DECR1: variants seen among roughly 807,000 people sequenced by gnomAD.
DECR1 encodes 2,4-dienoyl-CoA reductase [(3E)-enoyl-CoA-producing], mitochondrial.
Under a neutral mutation model 38.8 loss-of-function variants are expected in DECR1, and 44 were observed. The ratio of observed to expected loss-of-function variants is 1.13; its 90% CI spans 0.89 to 1.46. The LOEUF is 1.46. Among genes scored for constraint, DECR1 ranks in the 40% most tolerant of loss-of-function variants. DECR1 has a pLI of 0.00. For synonymous variants in DECR1, 148 were observed against 135.2 expected (o/e 1.09, Z -0.66); for missense variants, 428 against 405.5 (o/e 1.06, Z -0.48).
intron 7 of DECR1, among the ~76,000 whole-genome samples, chr8:90,044,646 A>G (rs545668816): frequency 6.6e-6 from 1 of 152,270 alleles, no homozygotes; most frequent in Non-Finnish European, 1.5e-5. Context: ...CATTTTACAT[A>G]GAAGAAACTA....
At chr8:90,017,037 C>T in intron 1 of DECR1, 87 bp from the exon 2 acceptor site, 1 of 837,666 alleles carries the variant, frequency 1.2e-6, no homozygotes, top group South Asian at 1.7e-5. Context: ...AATTTGATTA[C>T]TATTAAATTC....
intron 5 of DECR1, among the ~76,000 whole-genome samples, chr8:90,030,688 C>T (rs974575749): frequency 3.3e-5 from 5 of 152,140 alleles, no homozygotes; most frequent in African/African-American, 4.8e-5. Flanking sequence ...TTTCCTTATT[C>T]GTCAGTAGTG....
chr8:90,032,759 G>A (rs1393423274), intron 5 of DECR1, among the ~76,000 whole-genome samples: 4 of 152,060 alleles, frequency 2.6e-5, no homozygotes, highest in East Asian at 1.9e-4. Flanking sequence ...CTGACCTACC[G>A]GCCGTTCAAC....
intron 1 of DECR1, among the ~76,000 whole-genome samples, chr8:90,006,469 G>A (rs1266621696): frequency 3.3e-5 from 5 of 152,234 alleles, no homozygotes; most frequent in Non-Finnish European, 4.4e-5. Flanking sequence ...TTAGTGAGCA[G>A]CCTGTTGGCT....
At chr8:90,026,998 A>G (rs754569825) in intron 5 of DECR1, among the ~76,000 whole-genome samples, 5 of 152,134 alleles carry the variant, frequency 3.3e-5, no homozygotes, top group Non-Finnish European at 5.9e-5. Context: ...TCATTCAGGA[A>G]CAGATTGTTC....
chr8:90,028,700 C>T (rs978751114), intron 5 of DECR1, among the ~76,000 whole-genome samples: 5 of 151,556 alleles, frequency 3.3e-5, no homozygotes, highest in African/African-American at 1.2e-4. Flanking sequence ...TTCCTCCCTC[C>T]TTCCCTTCCT....
At chr8:90,015,697 A>C (rs554820713) in intron 1 of DECR1, 3 of 455,896 alleles carry the variant, frequency 6.6e-6, no homozygotes, top group Non-Finnish European at 1.3e-5. Context: ...TGGAGTGTTA[A>C]TCTTGCCACC....
chr8:90,018,980 CA>C lies in DECR1; in HGVS notation c.330+15del. ...ACTGGAAATAAGGTACATTAAAAAT[CA>C]GTTATTTAATTTAGATTTAGGAATT... On this transcript the variant is annotated intron_variant, in intron 3 of 9. Transcript: ENST00000220764. 2 of 1,586,608 alleles carry C rather than the reference CA, an allele frequency of 1.3e-6. No individual in the cohort carries two copies. The highest frequency in any genetic ancestry group is 1.7e-6 in the Non-Finnish European group (2 of 1,159,836).
intron 5 of DECR1, among the ~76,000 whole-genome samples, chr8:90,025,281 G>T (rs1015326217): frequency 1.2e-4 from 19 of 152,028 alleles, no homozygotes; most frequent in Admixed American, 9.2e-4. Context: ...AGCTTGATGG[G>T]GATGGCATTG....
chr8:90,002,835 A>G (rs1358656526), intron 1 of DECR1, among the ~76,000 whole-genome samples: 1 of 152,030 alleles, frequency 6.6e-6, no homozygotes, highest in East Asian at 1.9e-4. Flanking sequence ...GGAAGCCCAT[A>G]TTTTCTGATA....
At chr8:90,021,932 A>T (rs1489021794) in intron 5 of DECR1, among the ~76,000 whole-genome samples, 1 of 152,206 alleles carries the variant, frequency 6.6e-6, no homozygotes, top group Non-Finnish European at 1.5e-5. Flanking sequence ...AAACATGTCT[A>T]ATGTATATAT....
At chr8:90,036,746 C>A in intron 5 of DECR1, 95 bp from the exon 6 acceptor site, 1 of 786,954 alleles carries the variant, frequency 1.3e-6, no homozygotes, top group Non-Finnish European at 2.0e-6. Flanking sequence ...TTCTTATACC[C>A]TCTTTAATCA....
intron 1 of DECR1, among the ~76,000 whole-genome samples, chr8:90,002,409 C>A (rs1812640033): frequency 1.3e-5 from 2 of 152,292 alleles, no homozygotes; most frequent in Non-Finnish European, 2.9e-5. Flanking sequence ...CTGGCCCACA[C>A]TCCTGTCACC....
At chr8:90,019,738 C>T (rs1415538841) in intron 4 of DECR1, among the ~76,000 whole-genome samples, 1 of 152,174 alleles carries the variant, frequency 6.6e-6, no homozygotes, top group African/African-American at 2.4e-5. Flanking sequence ...CCTCCTACCT[C>T]AATATGAGCA....
In DECR1 at chr8:90,017,269, G is replaced by A; in HGVS notation, c.215G>A (p.Gly72Asp). The A allele has an allele frequency of 6.2e-7, 1 of 1,614,168 alleles. No homozygotes were observed. Among genetic ancestry groups the A allele is most frequent in the Non-Finnish European group, 8.5e-7 (1 of 1,180,034 alleles). ...ATTACTGGGGGAGGTACTGGCCTTG[G>A]TAAAGGAATGACAACTCTTCTGTCC... ...AFITGGGTGL[G>D]KGMTTLLSSL... Residue 72 changes from glycine (G) to aspartate (D), a missense_variant, in exon 2 of 10, where the codon GGT becomes GAT. Gly to Asp is a moderately conservative substitution (Grantham distance 94). Transcript: ENST00000220764.
At chr8:90,044,793 G>A (rs1281460583) in intron 7 of DECR1, 56 bp from the exon 8 acceptor site, 2 of 1,551,736 alleles carry the variant, frequency 1.3e-6, no homozygotes, top group Non-Finnish European at 1.7e-6. Context: ...TTCTTGAGTA[G>A]GAAAGGAATT....
chr8:90,029,629 A>G (rs552631326), intron 5 of DECR1, among the ~76,000 whole-genome samples: 6 of 152,344 alleles, frequency 3.9e-5, no homozygotes, highest in African/African-American at 1.4e-4. Context: ...TACTGTTTTT[A>G]CAGTTTAATT....
In DECR1 at chr8:90,052,038, A is replaced by T; in HGVS notation, c.*141A>T. The T allele has an allele frequency of 2.9e-6, 2 of 679,920 alleles. No homozygotes were observed. The highest frequency in any genetic ancestry group is 5.0e-6 in the Non-Finnish European group (2 of 403,110). The allele number at this position is 679,920 out of a possible 1,614,324, so 42.1% of individuals were successfully genotyped here. ...ATATGTATTATGTGCCAGGCCAGTG[A>T]TAGCCATTGTATATTCAAAGATAAA... On this transcript the variant is annotated 3_prime_UTR_variant, in exon 10 of 10. Transcript: ENST00000220764.
Position 90,052,052 on chromosome 8 carries a change from T to G in DECR1, c.*155T>G. Reference sequence around the variant, plus strand: ...CCAGGCCAGTGATAGCCATTGTATATTCAAAGATAAATAAAATGAAATATA... The same window carrying G: ...CCAGGCCAGTGATAGCCATTGTATAGTCAAAGATAAATAAAATGAAATATA... On this transcript the variant is annotated 3_prime_UTR_variant, in exon 10 of 10. Coordinates refer to ENST00000220764, the MANE Select transcript of DECR1 (RefSeq NM_001359.2). 1.6e-6 allele frequency: 1 copy of G among 618,766 alleles called. No homozygotes were observed. The highest frequency in any genetic ancestry group is 2.7e-6 in the Non-Finnish European group (1 of 366,396). 38.3% of individuals were successfully genotyped at this position (618,766 alleles called of 1,614,324 possible).
Sources: gnomAD v4.1 joint callset for allele counts (sites outside exome capture counted in the v4.1 genomes callset) on GRCh38, gnomAD v4.1.1 for gene constraint, MANE v1.5 for transcripts, NCBI Gene and HGNC (gene_info 2026-07-23, HGNC 2026-07-21) for gene names.